RYR1: variants seen among roughly 807,000 people sequenced by gnomAD.
The protein encoded by RYR1 is central core disease of muscle.
RYR1 carries 342 observed loss-of-function variants against 583.5 expected under a neutral mutation model. The ratio of observed to expected loss-of-function variants is 0.59; its 90% confidence interval spans 0.54 to 0.64. RYR1 has a LOEUF of 0.64. Ranked by LOEUF, RYR1 falls within the 30% of genes least tolerant of loss-of-function variation. The pLI is 0.00. For missense variants in RYR1, 6,032 were observed against 6,917.2 expected, an observed-to-expected ratio of 0.87 and a Z score of 4.54; for synonymous variants, 2,791 against 2,822.5, an observed-to-expected ratio of 0.99 and a Z score of 0.35.
chr19:38,578,085 G>T (rs920954471), intron 98 of RYR1, 37 bp downstream of exon 98: 2 of 1,613,702 alleles, frequency 1.2e-6, no homozygotes, highest in Non-Finnish European at 1.7e-6. Context: ...CCTGGGGCAT[G>T]CAGGGGAGGT....
Position 38,464,651 on chromosome 19 carries a change from T to C in RYR1, c.2799T>C (p.Ala933=). ...MSGETLKTLL[A]LGCHVGMADE... The stretch of plus-strand genomic sequence containing the variant: ...CCCCCACCCCCAGGACTCTGCTGGC[T>C]CTGGGCTGCCACGTGGGCATGGCGG... The change falls in exon 23 of 106, where the codon GCT becomes GCC. Residue 933 remains alanine, a synonymous_variant. Transcript: ENST00000359596. The C allele has an allele frequency of 6.3e-7, 1 of 1,587,126 alleles. No individual in the cohort carries two copies. Among genetic ancestry groups the C allele is most frequent in the Non-Finnish European group, 8.6e-7 (1 of 1,166,702 alleles).
chr19:38,468,292 A>G (rs994403189), intron 25 of RYR1, among the ~76,000 whole-genome samples: 3 of 150,924 alleles, frequency 2.0e-5, no homozygotes, highest in Non-Finnish European at 4.4e-5. Flanking sequence ...TCAACCATCC[A>G]TCCATCATCC....
At position 38,523,261 on chromosome 19, in the gene RYR1, C is replaced by T; in HGVS notation, c.10392C>T (p.Ile3464=). 2 of 1,614,228 alleles carry T rather than the reference C, an allele frequency of 1.2e-6. No individual in the cohort carries two copies. The highest frequency in any genetic ancestry group is 1.1e-5 in the South Asian group (1 of 91,086). ...EEQNFVVQNE[I]NNMSFLTADN... is the part of the protein sequence containing the mutation. ...AGAACTTTGTGGTCCAGAATGAGAT[C>T]AACAACATGTCCTTCCTGACTGCTG... Residue 3464 remains isoleucine (I), a synonymous_variant, in exon 69 of 106, where the codon ATC becomes ATT. Coordinates refer to ENST00000359596, the MANE Select transcript of RYR1 (RefSeq NM_000540.3).
rs1282702888 is a variant in RYR1 at position 38,535,280 on chromosome 19, C to T, written c.11440-36C>T. 4 of 1,612,746 alleles carry T rather than the reference C, an allele frequency of 2.5e-6. 1 individual carries two copies. Among genetic ancestry groups the T allele is most frequent in the Non-Finnish European group, 2.5e-6 (3 of 1,178,740 alleles). On this transcript the variant is annotated intron_variant, in intron 80 of 105. Transcript: ENST00000359596. ...GGAGGGATGAGAGGTTCCTGTGTGA[C>T]TCCCAGTTTCTCCTCCCCTGCCTCG...
chr19:38,443,672 A>G, intron 4 of RYR1, 40 bp downstream of exon 4: 1 of 1,613,766 alleles, frequency 6.2e-7, no homozygotes, highest in East Asian at 2.2e-5. Flanking sequence ...GGGCCAGGGC[A>G]TGTGGGGCCT....
At chr19:38,497,073 C>A in intron 42 of RYR1, 119 bp downstream of exon 42, 1 of 806,710 alleles carries the variant, frequency 1.2e-6, no homozygotes, top group Non-Finnish European at 2.1e-6. Context: ...TGGTCCAGTG[C>A]CCAACCAGAA....
In RYR1 at chr19:38,505,052, T is replaced by G; in HGVS notation, c.8281T>G (p.Tyr2761Asp). 1 of 1,613,968 alleles carries G rather than the reference T, an allele frequency of 6.2e-7. No individual in the cohort carries two copies. Among genetic ancestry groups the G allele is most frequent in the African/African-American group, 1.3e-5 (1 of 74,952 alleles). The change falls in exon 52 of 106, where the codon TAC becomes GAC. Residue 2761 changes from tyrosine to aspartate, a missense_variant. By Grantham distance (160) the Tyr-to-Asp change is radical. Around this residue, in one of 11 missense-constraint regions of RYR1, gnomAD observed 1,493 missense variants for 1,715.5 expected, o/e 0.87. Transcript: ENST00000359596. ...CTCCTTCATTAACAAGTTTGCGGAG[T>G]ACACACACGAGAAGTGGGCCTTCGA... ...LDSFINKFAEYTHEKWAFDKI... is the reference protein window; with the variant it reads ...LDSFINKFAEDTHEKWAFDKI...
rs181951306 is a variant in RYR1, at chr19:38,541,845, G to A, written c.11690-1502G>A. On this transcript the variant is annotated intron_variant, in intron 84 of 105. Coordinates refer to ENST00000359596, the MANE Select transcript of RYR1 (RefSeq NM_000540.3). ...TGTCTGTAATCCCAGCACTATGGGA[G>A]GTCAAGGTAGGAGGGTTGCTTGAGG... Among the ~76,000 whole-genome samples the A allele has an allele frequency of 2.4e-3, 369 of 152,152 alleles. 2 individuals are homozygous for A. Among genetic ancestry groups the A allele is most frequent in the Admixed American group, 7.7e-3 (118 of 15,280 alleles).
In RYR1 at chr19:38,502,818, G is replaced by A. The variant is rs1970242422; in HGVS notation, c.7836-62G>A. On this transcript the variant is annotated intron_variant, in intron 48 of 105. Coordinates refer to ENST00000359596, the MANE Select transcript of RYR1 (RefSeq NM_000540.3). ...AGGGGCAGGGGCAGGGGGAGGAGCA[G>A]GGGCAGGGGCAGCAGAGCGGGCCTG... 2.6e-5 allele frequency: 40 copies of A among 1,511,306 alleles called. 1 individual carries two copies. Among genetic ancestry groups the A allele is most frequent in the East Asian group, 9.6e-5 (4 of 41,694 alleles). The allele number at this position is 1,511,306 out of a possible 1,614,324, so 93.6% of individuals were successfully genotyped here.
intron 9 of RYR1, 41 bp from the exon 10 acceptor site, chr19:38,448,314 T>TG (rs1568440333): frequency 1.3e-6 from 2 of 1,590,370 alleles, no homozygotes; most frequent in Admixed American, 1.7e-5. Flanking sequence ...ATGGGAGAAC[T>TG]GGGGGGTCCT....
At position 38,452,855 on chromosome 19, in the gene RYR1, G is replaced by A. The variant is rs745635512; in HGVS notation, c.1281G>A (p.Ser427=). ...LDSFSGKPRG[S]GPPAGTALPI... is the part of the protein sequence containing the mutation. ...GCTTCAGCGGGAAGCCACGGGGCTC[G>A]GGGCCACCCGCTGGCACGGCGCTGC... is the stretch of plus-strand genomic sequence containing the variant. Residue 427 remains serine, a synonymous_variant, in exon 13 of 106, where the codon TCG becomes TCA. Coordinates refer to ENST00000359596, the MANE Select transcript of RYR1 (RefSeq NM_000540.3). 3.1e-6 allele frequency: 5 copies of A among 1,606,714 alleles called. No individual in the cohort carries two copies. The Admixed American group carries it at 5.1e-5, about 16-fold the overall frequency.
In RYR1 at chr19:38,532,833, G is replaced by A. The variant is rs1049022153; in HGVS notation, c.11259+97G>A. On this transcript the variant is annotated intron_variant, in intron 78 of 105. Coordinates refer to ENST00000359596, the MANE Select transcript of RYR1 (RefSeq NM_000540.3). ...GCATGTGTTCACAGAGCAAAGCTCT[G>A]GGGACACAGCAGTGACCAAGTCAGT... 10 of 1,309,334 alleles carry A rather than the reference G, an allele frequency of 7.6e-6. No homozygotes were observed. The African/African-American group carries it at 1.3e-4, about 17-fold the overall frequency. 81.1% of individuals were successfully genotyped at this position (1,309,334 alleles called of 1,614,324 possible). A position where few individuals can be genotyped will look rare whatever the true frequency, so the allele number is the denominator to read the frequency against.
chr19:38,543,159 A>G lies in RYR1; in HGVS notation c.11690-188A>G, dbSNP rs1972273217. ...GCCAGTATTTTTAGACAAATGAATA[A>G]ATGATCATCCATCTTTCTCTGTCAC... is the stretch of plus-strand genomic sequence containing the variant. On this transcript the variant is annotated intron_variant, in intron 84 of 105. Coordinates refer to ENST00000359596, the MANE Select transcript of RYR1 (RefSeq NM_000540.3). This position sits in a 1 kb window ranked among gnomAD's most constrained non-coding sequence, Gnocchi z 4.4. Among the ~76,000 whole-genome samples, 2 of 152,240 alleles carry G rather than the reference A, an allele frequency of 1.3e-5. No homozygotes were observed. The highest frequency in any genetic ancestry group is 1.3e-4 in the Admixed American group (2 of 15,278).
chr19:38,512,453 G>A lies in RYR1; in HGVS notation c.9442G>A (p.Ala3148Thr), dbSNP rs1426131771. The change falls in exon 63 of 106, where the codon GCC (alanine) becomes ACC (threonine). Residue 3148 changes from alanine to threonine, a missense_variant. By Grantham distance (58) the Ala-to-Thr change is moderately conservative. Transcript: ENST00000359596. The surrounding 1 kb of genome is among the most constrained non-coding windows in gnomAD (Gnocchi z 5.1). The stretch of plus-strand genomic sequence containing the variant: ...CCTCACCACCCTCTTCCAGCACATC[G>A]CCCAGCACCAGTTCGGAGATGACGT... ...PVLTTLFQHIAQHQFGDDVIL... is the reference protein window; with the variant it reads ...PVLTTLFQHITQHQFGDDVIL... 4 of 1,613,084 alleles carry A rather than the reference G, an allele frequency of 2.5e-6. No individual in the cohort carries two copies. The highest frequency in any genetic ancestry group is 2.2e-5 in the South Asian group (2 of 91,086).
rs1972288441 is a variant in RYR1 at position 38,543,458 on chromosome 19, G to A, written c.11778+23G>A. The A allele has an allele frequency of 6.2e-6, 10 of 1,614,122 alleles. No homozygotes were observed. The highest frequency in any genetic ancestry group is 1.3e-5 in the African/African-American group (1 of 74,944). ...CAGGTGAGGACGTGAGACGGTTCAG[G>A]TGTGACTTGGGTCGGGGGCTGCAGG... is the stretch of plus-strand genomic sequence containing the variant. On this transcript the variant is annotated intron_variant, in intron 85 of 105. Coordinates refer to ENST00000359596, the MANE Select transcript of RYR1 (RefSeq NM_000540.3). This position sits in a 1 kb window ranked among gnomAD's most constrained non-coding sequence, Gnocchi z 4.4.
Position 38,502,615 on chromosome 19 carries a change from C to A in RYR1, c.7723C>A (p.Arg2575Ser). The change falls in exon 48 of 106, where the codon CGC becomes AGC. Residue 2575 changes from arginine (R) to serine (S), a missense_variant. Physicochemically the swap from Arg to Ser is moderately radical, Grantham distance 110. Coordinates refer to ENST00000359596, the MANE Select transcript of RYR1 (RefSeq NM_000540.3). ...CAPLFAGTEH[R>S]AIMVDSMLHT... ...GCCGCTCTTTGCGGGCACAGAACAC[C>A]GCGCCATCATGGTGGACTCTATGCT... 4 of 1,613,044 alleles carry A rather than the reference C, an allele frequency of 2.5e-6. No individual in the cohort carries two copies. The South Asian group carries it at 3.3e-5, about 13-fold the overall frequency.
intron 79 of RYR1, 92 bp from the exon 80 acceptor site, chr19:38,535,047 TTC>T: frequency 7.6e-7 from 1 of 1,307,570 alleles, no homozygotes; most frequent in Non-Finnish European, 1.1e-6. Flanking sequence ...TTAAATCCCC[TTC>T]TCTCACATCC....
intron 2 of RYR1, among the ~76,000 whole-genome samples, chr19:38,442,037 G>A (rs1010727475): frequency 3.3e-5 from 5 of 151,854 alleles, no homozygotes; most frequent in Non-Finnish European, 7.4e-5. Context: ...GAGGCATGGG[G>A]GTGAGGCTTC....
At chr19:38,450,865 C>T (rs1239547102) in intron 11 of RYR1, among the ~76,000 whole-genome samples, 3 of 152,162 alleles carry the variant, frequency 2.0e-5, no homozygotes, top group Non-Finnish European at 4.4e-5. Flanking sequence ...CGGCACATTC[C>T]CCCATGCAAG....
Sources: allele counts gnomAD v4.1 joint callset (sites outside exome capture counted in the v4.1 genomes callset), GRCh38; gene constraint gnomAD v4.1.1; regional missense constraint gnomAD v4.1.1; non-coding constraint Gnocchi (gnomAD v3.1); transcripts MANE v1.5; gene names NCBI Gene and HGNC (gene_info 2026-07-23, HGNC 2026-07-21).